NIPSNAP3B: variants seen among roughly 807,000 people sequenced by gnomAD.
The protein encoded by NIPSNAP3B is nipsnap homolog 3B.
A neutral mutation model predicts 31.5 loss-of-function variants in NIPSNAP3B; 30 were observed. The observed-to-expected ratio is 0.95, with a 90% CI of 0.71 to 1.29. The LOEUF is 1.29. Among genes scored for constraint, NIPSNAP3B ranks in the 50% most tolerant of loss-of-function variants. The pLI is 0.00. For synonymous variants in NIPSNAP3B, 106 were observed against 107.9 expected, an observed-to-expected ratio of 0.98 and a Z score of 0.11; for missense variants, 269 against 300.7, an observed-to-expected ratio of 0.89 and a Z score of 0.78.
the NIPSNAP3B span, chr9:104,788,016 C>T: frequency 6.2e-7 from 1 of 1,614,212 alleles, no homozygotes; most frequent in Non-Finnish European, 8.5e-7. Flanking sequence ...TTTCTCCATA[C>T]TTCACGAGGC....
At chr9:104,768,166 C>G (rs899922082) in intron 2 of NIPSNAP3B, among the ~76,000 whole-genome samples, 9 of 152,104 alleles carry the variant, frequency 5.9e-5, no homozygotes, top group Non-Finnish European at 1.2e-4. Context: ...GGAGGGCTGA[C>G]TATACTAGGC....
At chr9:104,765,310 T>C (rs1053497146) in intron 1 of NIPSNAP3B, among the ~76,000 whole-genome samples, 2 of 152,224 alleles carry the variant, frequency 1.3e-5, no homozygotes, top group Non-Finnish European at 2.9e-5. Flanking sequence ...TAGATTATTC[T>C]GGGTAGTGAG....
intron 1 of NIPSNAP3B, among the ~76,000 whole-genome samples, chr9:104,765,672 T>C (rs1347871981): frequency 1.3e-5 from 2 of 152,238 alleles, no homozygotes; most frequent in Non-Finnish European, 2.9e-5. Context: ...TCTCATTTGT[T>C]GAGTTTTTTT....
In NIPSNAP3B at chr9:104,772,873, A is replaced by G. The variant is rs1323960732; in HGVS notation, c.632A>G (p.His211Arg). ...GCAGATAGTCGTGCAGCTGGGAGACATAAGTCCCATGAGGATCCCAGAGTT... is the reference window on the plus strand; with the variant it reads ...GCAGATAGTCGTGCAGCTGGGAGACGTAAGTCCCATGAGGATCCCAGAGTT... ...ESADSRAAGR[H>R]KSHEDPRVVA... is the part of the protein sequence containing the mutation. The change falls in exon 5 of 6, where the codon CAT (histidine) becomes CGT (arginine). Residue 211 changes from histidine (H) to arginine (R), a missense_variant. Coordinates refer to ENST00000374762, the MANE Select transcript of NIPSNAP3B (RefSeq NM_018376.4). 5 of 1,613,574 alleles carry G rather than the reference A, an allele frequency of 3.1e-6. No individual in the cohort carries two copies. Among genetic ancestry groups the G allele is most frequent in the African/African-American group, 1.3e-5 (1 of 74,936 alleles).
At chr9:104,772,260 C>G (rs183187602) in intron 4 of NIPSNAP3B, among the ~76,000 whole-genome samples, 6 of 145,844 alleles carry the variant, frequency 4.1e-5, no homozygotes, top group Admixed American at 2.7e-4. Context: ...TACCATTTGT[C>G]AATTTTTGTT....
rs925694074 is a variant in NIPSNAP3B, at chr9:104,773,878, A to T, written c.*805A>T. On this transcript the variant is annotated 3_prime_UTR_variant, in exon 6 of 6. Transcript: ENST00000374762. ...TAAATTCACATTTTATACTTATATG[A>T]TCTCTAAAGCTCTTGCTATGTTGCT... is the stretch of plus-strand genomic sequence containing the variant. 1 of 152,162 alleles carries T rather than the reference A, an allele frequency of 6.6e-6. No homozygotes were observed. The highest frequency in any genetic ancestry group is 1.5e-5 in the Non-Finnish European group (1 of 68,032). The allele number at this position is 152,162 out of a possible 1,614,324, so 9.4% of individuals were successfully genotyped here.
At chr9:104,786,320 T>C in the NIPSNAP3B span, 22 of 1,614,000 alleles carry the variant, frequency 1.4e-5, no homozygotes, top group African/African-American at 2.7e-5. Context: ...TGCTGGACAC[T>C]GCCAAGGCAC....
Position 104,775,000 on chromosome 9 carries a change from C to T in NIPSNAP3B, c.*1927C>T, listed in dbSNP as rs1216803570. On this transcript the variant is annotated 3_prime_UTR_variant, in exon 6 of 6. Transcript: ENST00000374762. ...CGTCTGCCCGCTTTCTACAGCCAAC[C>T]CCACATGCCCTGCCTTCTCTCCTTT... Among the ~76,000 whole-genome samples, 1 of 151,896 alleles carries T rather than the reference C, an allele frequency of 6.6e-6. No homozygotes were observed. Among genetic ancestry groups the T allele is most frequent in the African/African-American group, 2.4e-5 (1 of 41,356 alleles).
chr9:104,775,114 C>A lies in NIPSNAP3B; in HGVS notation c.*2041C>A, dbSNP rs57365304. Among the ~76,000 whole-genome samples the A allele has an allele frequency of 0.11, 16,119 of 151,876 alleles. 1,111 individuals carry two copies. Among genetic ancestry groups the A allele is most frequent in the East Asian group, 0.26 (1,318 of 5,126 alleles). On this transcript the variant is annotated 3_prime_UTR_variant, in exon 6 of 6. Transcript: ENST00000374762. ...TGAAGGATGTGGCTTAGGCAGTTTTCCTGTCTCCTGAAGCCACAGTATTCC... is the reference window on the plus strand; with the variant it reads ...TGAAGGATGTGGCTTAGGCAGTTTTACTGTCTCCTGAAGCCACAGTATTCC...
intron 4 of NIPSNAP3B, 92 bp from the exon 5 acceptor site, chr9:104,772,730 A>G (rs1233221518): frequency 1.4e-6 from 2 of 1,417,666 alleles, no homozygotes; most frequent in Non-Finnish European, 9.7e-7. Context: ...TTTGATTTAA[A>G]GAATAAGACA....
At chr9:104,770,768 C>A in intron 3 of NIPSNAP3B, 81 bp from the exon 4 acceptor site, 1 of 1,225,232 alleles carries the variant, frequency 8.2e-7, no homozygotes, top group Non-Finnish European at 1.2e-6. Context: ...CATTGGTTAG[C>A]CTTCTAATGA....
At chr9:104,770,536 CA>C (rs1167125403) in intron 3 of NIPSNAP3B, among the ~76,000 whole-genome samples, 54 of 152,240 alleles carry the variant, frequency 3.5e-4, no homozygotes, top group African/African-American at 1.2e-3. Context: ...TATACATTCT[CA>C]GTATCTGTTT....
downstream of NIPSNAP3B, among the ~76,000 whole-genome samples, chr9:104,777,765 G>C (rs1271101413): frequency 6.6e-6 from 1 of 152,180 alleles, no homozygotes; most frequent in East Asian, 1.9e-4. Flanking sequence ...CTGTAAACCA[G>C]CTGTTGTCCT....
chr9:104,769,424 A>T (rs1339878918), intron 3 of NIPSNAP3B, among the ~76,000 whole-genome samples: 1 of 131,614 alleles, frequency 7.6e-6, no homozygotes, highest in Non-Finnish European at 1.5e-5. Flanking sequence ...ACTGCACTCC[A>T]GCCTGGGCGA....
At chr9:104,786,596 T>C in the NIPSNAP3B span, among the ~76,000 whole-genome samples, 1 of 152,154 alleles carries the variant, frequency 6.6e-6, no homozygotes, top group Non-Finnish European at 1.5e-5. Flanking sequence ...AAAGGGGGAA[T>C]AGTTAAATAA....
chr9:104,767,865 T>C (rs1420574912), intron 2 of NIPSNAP3B, among the ~76,000 whole-genome samples: 1 of 152,112 alleles, frequency 6.6e-6, no homozygotes, highest in Non-Finnish European at 1.5e-5. Context: ...TAAAAGTAAA[T>C]ATACTATAGT....
At position 104,773,405 on chromosome 9, in the gene NIPSNAP3B, G is replaced by C. The variant is rs1156458356; in HGVS notation, c.*332G>C. The C allele has an allele frequency of 2.2e-5, 4 of 183,390 alleles. No homozygotes were observed. The highest frequency in any genetic ancestry group is 9.4e-5 in the African/African-American group (4 of 42,392). 11.4% of individuals were successfully genotyped at this position (183,390 alleles called of 1,614,324 possible). The stretch of plus-strand genomic sequence containing the variant: ...TAGCATTTTCTTTTACTCAAATAAG[G>C]ATTTTACATTTCCTTGCCTGACAGT... On this transcript the variant is annotated 3_prime_UTR_variant, in exon 6 of 6. Transcript: ENST00000374762.
chr9:104,785,420 A>C, the NIPSNAP3B span: 1 of 1,614,072 alleles, frequency 6.2e-7, no homozygotes, highest in Non-Finnish European at 8.5e-7. Context: ...TCTGAGAAAC[A>C]GAGTAGTCTT....
chr9:104,786,940 G>A, the NIPSNAP3B span: 10 of 1,613,842 alleles, frequency 6.2e-6, no homozygotes, highest in African/African-American at 1.3e-5. Flanking sequence ...CACAAGAACC[G>A]CCGGGCTTTG....
Sources: allele counts gnomAD v4.1 joint callset (sites outside exome capture counted in the v4.1 genomes callset), GRCh38; gene constraint gnomAD v4.1.1; transcripts MANE v1.5; gene names NCBI Gene and HGNC (gene_info 2026-07-23, HGNC 2026-07-21).